Variants in FAM240A observed in about 807,000 individuals in gnomAD.
The protein encoded by FAM240A is family with sequence similarity 240 member A, also known as protein FAM240A.
In FAM240A, 8 loss-of-function variants were observed where a neutral mutation model predicts 7.3. The ratio of observed to expected loss-of-function variants is 1.09; its 90% CI spans 0.64 to 1.97. The LOEUF (loss-of-function observed/expected upper bound fraction) is 1.97, where lower values mean the gene tolerates loss of function less well. Ranked by LOEUF, FAM240A falls within the 30% of genes most tolerant of loss-of-function variation. The probability of loss-of-function intolerance (pLI) is 0.00; values close to 1 mark genes in which losing one functional copy is unlikely to be tolerated. For missense variants in FAM240A, 90 were observed against 102.2 expected (o/e 0.88, Z 0.52); for synonymous variants, 32 against 35.9 (o/e 0.89, Z 0.38).
At chr3:46,623,571 G>C (rs1697721178) in intron 2 of FAM240A, among the ~76,000 whole-genome samples, 1 of 151,972 alleles carries the variant, frequency 6.6e-6, no homozygotes, top group African/African-American at 2.4e-5. Flanking sequence ...TCTGTTATTA[G>C]GTACAAAAAT....
chr3:46,614,509 C>T (rs1262723072), intron 1 of FAM240A, among the ~76,000 whole-genome samples: 2 of 152,152 alleles, frequency 1.3e-5, no homozygotes, highest in Admixed American at 6.5e-5. Context: ...TAACGTTATG[C>T]GGATGGAGGT....
In FAM240A at chr3:46,617,958, C is replaced by A. The variant is rs182786121; in HGVS notation, c.161+630C>A. On this transcript the variant is annotated intron_variant, in intron 2 of 2. Transcript: ENST00000640551. The stretch of plus-strand genomic sequence containing the variant: ...CACCTTGCTGTGGAAGCAGTGCAGG[C>A]TCACTGCCCTCACACACACACTGCA... Among the ~76,000 whole-genome samples, 325 of 152,342 alleles carry A rather than the reference C, an allele frequency of 2.1e-3. 6 individuals are homozygous for A. Among genetic ancestry groups the A allele is most frequent in the Admixed American group, 0.02 (301 of 15,296 alleles).
chr3:46,612,943 T>A (rs985934289), intron 1 of FAM240A, among the ~76,000 whole-genome samples: 3 of 152,224 alleles, frequency 2.0e-5, no homozygotes, highest in Admixed American at 2.0e-4. Context: ...GTCCTCATTG[T>A]AGACACCAGG....
At chr3:46,622,055 T>C (rs970167474) in intron 2 of FAM240A, among the ~76,000 whole-genome samples, 1 of 151,630 alleles carries the variant, frequency 6.6e-6, no homozygotes, top group Non-Finnish European at 1.5e-5. Flanking sequence ...GGTTTATTCT[T>C]TTGCAGAGAT....
intron 2 of FAM240A, among the ~76,000 whole-genome samples, chr3:46,618,716 T>C (rs2107143300): frequency 6.6e-6 from 1 of 151,976 alleles, no homozygotes; most frequent in South Asian, 2.1e-4. Context: ...GGTGCATGCC[T>C]GTAATCCCAG....
chr3:46,613,568 C>G (rs1042562785), intron 1 of FAM240A, among the ~76,000 whole-genome samples: 1 of 151,872 alleles, frequency 6.6e-6, no homozygotes, highest in Non-Finnish European at 1.5e-5. Flanking sequence ...AAAAAGTGCC[C>G]CCATGCTCCT....
chr3:46,614,519 T>C (rs996662807), intron 1 of FAM240A, among the ~76,000 whole-genome samples: 4 of 152,138 alleles, frequency 2.6e-5, no homozygotes, highest in African/African-American at 9.7e-5. Flanking sequence ...CGGATGGAGG[T>C]AGAGATGGAT....
chr3:46,617,438 T>C (rs1697643414), intron 2 of FAM240A, 110 bp downstream of exon 2: 3 of 939,734 alleles, frequency 3.2e-6, no homozygotes, highest in Non-Finnish European at 4.5e-6. Context: ...GTACTAAGAG[T>C]TCCCTGAGCC....
chr3:46,615,261 C>A (rs1697614531), intron 1 of FAM240A, among the ~76,000 whole-genome samples: 1 of 152,112 alleles, frequency 6.6e-6, no homozygotes, highest in Non-Finnish European at 1.5e-5. Context: ...TCCAGTGCTT[C>A]CCCCTGGGGG....
chr3:46,620,392 T>C (rs989975490), intron 2 of FAM240A, among the ~76,000 whole-genome samples: 3 of 78,840 alleles, frequency 3.8e-5, no homozygotes, highest in African/African-American at 1.4e-4. Flanking sequence ...CTAATGAAAG[T>C]AAATTGGATC....
At chr3:46,614,785 G>A (rs1423646386) in intron 1 of FAM240A, among the ~76,000 whole-genome samples, 2 of 152,182 alleles carry the variant, frequency 1.3e-5, no homozygotes, top group Non-Finnish European at 2.9e-5. Context: ...CAAGGATAGA[G>A]ATAAATGAAT....
At chr3:46,616,918 C>A (rs1383942110) in intron 1 of FAM240A, among the ~76,000 whole-genome samples, 3 of 152,292 alleles carry the variant, frequency 2.0e-5, no homozygotes, top group East Asian at 3.9e-4. Flanking sequence ...ACTCTCAGTT[C>A]TTTGAGAAAT....
intron 2 of FAM240A, among the ~76,000 whole-genome samples, 177 bp from the exon 3 acceptor site, chr3:46,624,951 A>T (rs1272302463): frequency 8.2e-6 from 1 of 121,240 alleles, no homozygotes; most frequent in Non-Finnish European, 1.7e-5. Flanking sequence ...TAAATAAATA[A>T]ATATGAATAA....
At chr3:46,615,972 C>T (rs1469265509) in intron 1 of FAM240A, among the ~76,000 whole-genome samples, 2 of 152,210 alleles carry the variant, frequency 1.3e-5, no homozygotes, top group African/African-American at 4.8e-5. Flanking sequence ...AAGCCTGTCA[C>T]TCCTCAAATA....
chr3:46,622,541 C>T (rs79637303), intron 2 of FAM240A, among the ~76,000 whole-genome samples: 4,949 of 152,100 alleles, frequency 0.033, 230 homozygotes, highest in African/African-American at 0.11. Context: ...ATTAATAATA[C>T]CTTTTGACTT....
intron 2 of FAM240A, among the ~76,000 whole-genome samples, chr3:46,617,846 G>A (rs536382004): frequency 7.2e-5 from 11 of 152,178 alleles, no homozygotes; most frequent in South Asian, 4.1e-4. Context: ...AGGGGAAGGC[G>A]GGGTCTCCCC....
chr3:46,617,076 G>A (rs1697637491), intron 1 of FAM240A, 107 bp from the exon 2 acceptor site: 2 of 733,492 alleles, frequency 2.7e-6, no homozygotes, highest in Non-Finnish European at 4.3e-6. Flanking sequence ...GGAGTAAGAT[G>A]GTAGGTATCT....
chr3:46,617,503 C>T (rs953601707), intron 2 of FAM240A, among the ~76,000 whole-genome samples, 175 bp downstream of exon 2: 7 of 152,150 alleles, frequency 4.6e-5, no homozygotes, highest in South Asian at 2.1e-4. Context: ...TTGTGACTGT[C>T]GATGAGCTTT....
chr3:46,612,769 A>G (rs941665689), intron 1 of FAM240A, 71 bp downstream of exon 1: 1 of 1,286,422 alleles, frequency 7.8e-7, no homozygotes, highest in Non-Finnish European at 1.1e-6. Flanking sequence ...TGGTTTGTCC[A>G]AGTTGGTGCT....
Sources: allele counts gnomAD v4.1 joint callset (sites outside exome capture counted in the v4.1 genomes callset), GRCh38; gene constraint gnomAD v4.1.1; transcripts MANE v1.5; gene names NCBI Gene and HGNC (gene_info 2026-07-23, HGNC 2026-07-21).